Variants in PKLR observed in about 807,000 individuals in gnomAD.
The protein encoded by PKLR is pyruvate kinase PKLR.
A neutral mutation model predicts 53.6 loss-of-function variants in PKLR; 38 were observed. The observed-to-expected ratio is 0.71, with a 90% CI of 0.55 to 0.93. The LOEUF (loss-of-function observed/expected upper bound fraction) is 0.93, where lower values mean the gene tolerates loss of function less well. Among genes scored for constraint, PKLR ranks in the 40% least tolerant of loss-of-function variants. The probability of loss-of-function intolerance (pLI) is 0.00; values close to 1 mark genes in which losing one functional copy is unlikely to be tolerated. For synonymous variants in PKLR, 328 were observed against 316.2 expected (o/e 1.04, Z -0.39); for missense variants, 702 against 787.3 (o/e 0.89, Z 1.30).
At chr1:155,304,163 T>C (rs1481184538), upstream of PKLR, among the ~76,000 whole-genome samples, 1 of 152,034 alleles carries the variant, frequency 6.6e-6, no homozygotes, top group African/African-American at 2.4e-5. Context: ...CCGGGAGCGG[T>C]GGCTCACGTC....
rs774736844 is a variant in PKLR at position 155,295,130 on chromosome 1, A to T, written c.680T>A (p.Val227Glu). 1.2e-6 allele frequency: 2 copies of T among 1,614,084 alleles called. No individual in the cohort carries two copies. The highest frequency in any genetic ancestry group is 1.3e-5 in the African/African-American group (1 of 75,060). The change falls in exon 5 of 11, where the codon GTG (valine) becomes GAG (glutamate). Residue 227 changes from valine (V) to glutamate (E), a missense_variant. This residue lies in a region of PKLR where 519 missense variants were observed against 537.1 expected (regional missense o/e 0.97). Coordinates refer to ENST00000342741, the MANE Select transcript of PKLR (RefSeq NM_000298.6). This position sits in a 1 kb window ranked among gnomAD's most constrained non-coding sequence, Gnocchi z 4.3. ...IYIDDGLISL[V>E]VQKIGPEGLV... Reference sequence around the variant, plus strand: ...CGCGTCCGCACCGATTTTCTGGACCACTAGGGAGATGAGCCCGTCGTCAAT... The same window carrying T: ...CGCGTCCGCACCGATTTTCTGGACCTCTAGGGAGATGAGCCCGTCGTCAAT...
In PKLR at chr1:155,293,042, G is replaced by A; in HGVS notation, c.1436+135C>T. 1.1e-6 allele frequency: 1 copy of A among 928,110 alleles called. No homozygotes were observed. Among genetic ancestry groups the A allele is most frequent in the Non-Finnish European group, 1.8e-6 (1 of 570,174 alleles). The allele number at this position is 928,110 out of a possible 1,614,324, so 57.5% of individuals were successfully genotyped here. On this transcript the variant is annotated intron_variant, in intron 9 of 10. Coordinates refer to ENST00000342741, the MANE Select transcript of PKLR (RefSeq NM_000298.6). This position sits in a 1 kb window ranked among gnomAD's most constrained non-coding sequence, Gnocchi z 4.2. ...ATTCTGTCTCTCCTGGCCTCCAGCT[G>A]TCATTGCTGCCTCTCCTCTTGTCTC...
In PKLR at chr1:155,294,584, A is replaced by G; in HGVS notation, c.863T>C (p.Val288Ala). ...GGCAGCCACGTCGCTGGCTTTCCGC[A>G]CAAAGGAGGCAAAGACGATGTCCAC... ...HGVDIVFASF[V>A]RKASDVAAVR... Residue 288 changes from valine (V) to alanine (A), a missense_variant, in exon 6 of 11, where the codon GTG (valine) becomes GCG (alanine). Around this residue, in one of 2 missense-constraint regions of PKLR, gnomAD observed 519 missense variants for 537.1 expected, o/e 0.97. Coordinates refer to ENST00000342741, the MANE Select transcript of PKLR (RefSeq NM_000298.6). 6.2e-7 allele frequency: 1 copy of G among 1,614,202 alleles called. No homozygotes were observed. The highest frequency in any genetic ancestry group is 8.5e-7 in the Non-Finnish European group (1 of 1,180,042).
At chr1:155,298,983 TTTC>T (rs1186089354) in intron 2 of PKLR, among the ~76,000 whole-genome samples, 2 of 90,078 alleles carry the variant, frequency 2.2e-5, no homozygotes, top group East Asian at 6.3e-4. Flanking sequence ...TCTTTCTTTC[TTTC>T]TTTCTTTCTT....
chr1:155,293,248 G>A lies in PKLR; in HGVS notation c.1365C>T (p.Thr455=), dbSNP rs146708702. Residue 455 remains threonine, a synonymous_variant, in exon 9 of 11, where the codon ACC becomes ACT. Coordinates refer to ENST00000342741, the MANE Select transcript of PKLR (RefSeq NM_000298.6). The surrounding 1 kb of genome is among the most constrained non-coding windows in gnomAD (Gnocchi z 4.2). ...APLSRDPTEV[T]AIGAVEAAFK... ...AGGCAGCCTCCACAGCACCAATGGC[G>A]GTGACCTCAGTGGGATCACGGCTTA... The A allele has an allele frequency of 1.7e-4, 271 of 1,614,020 alleles. No homozygotes were observed. The highest frequency in any genetic ancestry group is 2.1e-4 in the Non-Finnish European group (252 of 1,180,020).
At chr1:155,292,509 C>T (rs1050931735) in intron 9 of PKLR, among the ~76,000 whole-genome samples, 2 of 151,926 alleles carry the variant, frequency 1.3e-5, no homozygotes, top group African/African-American at 4.8e-5. Flanking sequence ...TTGTGGCATG[C>T]GCCTGTAATC....
Position 155,293,911 on chromosome 1 carries a change from T to C in PKLR, c.1117-321A>G, listed in dbSNP as rs1341862709. 6.6e-6 allele frequency among the ~76,000 whole-genome samples: 1 copy of C among 152,054 alleles called. No individual in the cohort carries two copies. The highest frequency in any genetic ancestry group is 2.4e-5 in the African/African-American group (1 of 41,410). On this transcript the variant is annotated intron_variant, in intron 7 of 10. Coordinates refer to ENST00000342741, the MANE Select transcript of PKLR (RefSeq NM_000298.6). This position sits in a 1 kb window ranked among gnomAD's most constrained non-coding sequence, Gnocchi z 4.2. ...ACTTTGGGAGGCCGAGGCGAGTAGA[T>C]CACCTGAGGTCAGGAGTTCGAGACC...
At chr1:155,302,037 CCTTTTTTCTTTTT>C (rs1234909601), upstream of PKLR, among the ~76,000 whole-genome samples, 3 of 151,496 alleles carry the variant, frequency 2.0e-5, no homozygotes, top group Non-Finnish European at 2.9e-5. Context: ...TCCCTTCCTT[CCTTTTTTCTTTTT>C]CTTTTTTCTT....
rs764713394 is a variant in PKLR, at chr1:155,293,461, C to T, written c.1246G>A (p.Glu416Lys). 9 of 1,614,138 alleles carry T rather than the reference C, an allele frequency of 5.6e-6. No homozygotes were observed. The African/African-American group carries it at 1.1e-4, about 19-fold the overall frequency. Residue 416 changes from glutamate to lysine, a missense_variant, in exon 8 of 11, where the codon GAA becomes AAA. Glu to Lys is a moderately conservative substitution (Grantham distance 56). Transcript: ENST00000342741. The surrounding 1 kb of genome is among the most constrained non-coding windows in gnomAD (Gnocchi z 4.2). ...GETAKGNFPVEAVKMQHAIAR... is the reference protein window; with the variant it reads ...GETAKGNFPVKAVKMQHAIAR... ...ACCGCATGCTGCATCTTCACCGCTT[C>T]CACAGGGAAGTTGCCCTTGGCAGTC... is the stretch of plus-strand genomic sequence containing the variant.
At position 155,299,022 on chromosome 1, in the gene PKLR, CTTTCTTTCTTTCTCTTTCTTTCT is replaced by C. The variant is rs1557963335; in HGVS notation, c.283+1053_283+1075del. 6.2e-3 allele frequency among the ~76,000 whole-genome samples: 606 copies of C among 97,020 alleles called. 21 individuals are homozygous for C. Among genetic ancestry groups the C allele is most frequent in the African/African-American group, 0.019 (376 of 19,880 alleles). 63.6% of individuals were successfully genotyped at this position (97,020 alleles called of 152,430 possible). A position where few individuals can be genotyped will look rare whatever the true frequency, so the allele number is the denominator to read the frequency against. ...TCTTTCTTTCTTTCTTTCTTTCTTT[CTTTCTTTCTTTCTCTTTCTTTCT>C]TTCTTTCCTTCCTTCCTTCCTTCCT... is the stretch of plus-strand genomic sequence containing the variant. On this transcript the variant is annotated intron_variant, in intron 2 of 10. Coordinates refer to ENST00000342741, the MANE Select transcript of PKLR (RefSeq NM_000298.6).
In PKLR at chr1:155,293,912, C is replaced by T. The variant is rs1343975708; in HGVS notation, c.1117-322G>A. 1.3e-5 allele frequency among the ~76,000 whole-genome samples: 2 copies of T among 152,128 alleles called. No individual in the cohort carries two copies. Among genetic ancestry groups the T allele is most frequent in the Admixed American group, 6.6e-5 (1 of 15,264 alleles). On this transcript the variant is annotated intron_variant, in intron 7 of 10. Coordinates refer to ENST00000342741, the MANE Select transcript of PKLR (RefSeq NM_000298.6). This position sits in a 1 kb window ranked among gnomAD's most constrained non-coding sequence, Gnocchi z 4.2. ...CTTTGGGAGGCCGAGGCGAGTAGATCACCTGAGGTCAGGAGTTCGAGACCA... is the reference window on the plus strand; with the variant it reads ...CTTTGGGAGGCCGAGGCGAGTAGATTACCTGAGGTCAGGAGTTCGAGACCA...
At chr1:155,297,687 C>T (rs1487058400) in intron 2 of PKLR, among the ~76,000 whole-genome samples, 1 of 152,048 alleles carries the variant, frequency 6.6e-6, no homozygotes, top group African/African-American at 2.4e-5. Flanking sequence ...TCTCATTTCA[C>T]TCGGAGGAAA....
intron 1 of PKLR, 59 bp from the exon 2 acceptor site, chr1:155,300,339 G>A (rs537461830): frequency 1.3e-5 from 18 of 1,379,284 alleles, no homozygotes; most frequent in East Asian, 2.5e-5. Flanking sequence ...CCATGCCTTC[G>A]TCTCTCAGCA....
intron 2 of PKLR, among the ~76,000 whole-genome samples, chr1:155,298,617 G>A (rs188070709): frequency 5.2e-4 from 76 of 145,812 alleles, no homozygotes; most frequent in Admixed American, 4.2e-3. Context: ...GTGAGCCACC[G>A]CGCCCAGCTT....
In PKLR at chr1:155,295,327, T is replaced by A; in HGVS notation, c.508-25A>T. ...CCTAAGGAGGGAGCCAGAGGAGATGTGAGTTCTGAGCCCCGGAGTCCGGGA... is the reference window on the plus strand; with the variant it reads ...CCTAAGGAGGGAGCCAGAGGAGATGAGAGTTCTGAGCCCCGGAGTCCGGGA... On this transcript the variant is annotated intron_variant, in intron 4 of 10. Coordinates refer to ENST00000342741, the MANE Select transcript of PKLR (RefSeq NM_000298.6). This position sits in a 1 kb window ranked among gnomAD's most constrained non-coding sequence, Gnocchi z 4.3. 6.2e-7 allele frequency: 1 copy of A among 1,613,664 alleles called. No homozygotes were observed. The highest frequency in any genetic ancestry group is 8.5e-7 in the Non-Finnish European group (1 of 1,179,786).
At chr1:155,296,245 C>T (rs1647591698) in intron 2 of PKLR, among the ~76,000 whole-genome samples, 2 of 152,316 alleles carry the variant, frequency 1.3e-5, no homozygotes, top group Non-Finnish European at 2.9e-5. Flanking sequence ...TCTGTCTTTC[C>T]ACTTGTGCAC....
At chr1:155,304,384 A>G (rs140222283), upstream of PKLR, among the ~76,000 whole-genome samples, 1,041 of 142,986 alleles carry the variant, frequency 7.3e-3, 14 homozygotes, top group African/African-American at 0.025. Context: ...CAGTGAGCCG[A>G]GATCATGCCA....
At chr1:155,291,351 C>A (rs1020580026) in intron 10 of PKLR, among the ~76,000 whole-genome samples, 5 of 151,958 alleles carry the variant, frequency 3.3e-5, no homozygotes, top group Non-Finnish European at 5.9e-5. Context: ...CAAAAATTAT[C>A]CAGGCGTGGT....
At position 155,300,328 on chromosome 1, in the gene PKLR, C is replaced by T. The variant is rs763611451; in HGVS notation, c.101-48G>A. The T allele has an allele frequency of 6.1e-6, 9 of 1,475,934 alleles. 1 individual carries two copies. In the Admixed American group the frequency reaches 1.8e-4, roughly 29 times the overall value. The allele number at this position is 1,475,934 out of a possible 1,614,324, so 91.4% of individuals were successfully genotyped here. ...GACTGCATGTCACCTGCCCTTCCTCCCCATGCCTTCGTCTCTCAGCATACC... is the reference window on the plus strand; with the variant it reads ...GACTGCATGTCACCTGCCCTTCCTCTCCATGCCTTCGTCTCTCAGCATACC... On this transcript the variant is annotated intron_variant, in intron 1 of 10. Transcript: ENST00000342741.
Sources: gnomAD v4.1 joint callset for allele counts (sites outside exome capture counted in the v4.1 genomes callset) on GRCh38, gnomAD v4.1.1 for gene constraint, gnomAD v4.1.1 regional missense constraint, Gnocchi (gnomAD v3.1) non-coding constraint, MANE v1.5 for transcripts, NCBI Gene and HGNC (gene_info 2026-07-23, HGNC 2026-07-21) for gene names.